BCO1: variants seen among roughly 807,000 people sequenced by gnomAD.
The protein encoded by BCO1 is beta,beta-carotene 15,15'-dioxygenase.
A neutral mutation model predicts 56.3 loss-of-function variants in BCO1; 54 were observed. The observed-to-expected ratio is 0.96, with a 90% CI of 0.77 to 1.20. The LOEUF is 1.20. BCO1 is among the 50% of genes most tolerant of loss of function. The pLI, the probability that BCO1 is intolerant of heterozygous loss-of-function variation, is 0.00. For synonymous variants in BCO1, 318 were observed against 266.1 expected (o/e 1.20, Z -1.90); for missense variants, 801 against 690.9 (o/e 1.16, Z -1.79).
rs909469538 is a variant in BCO1, at chr16:81,290,232, C to T, written c.1415-116C>T. The T allele has an allele frequency of 8.0e-6, 7 of 875,564 alleles. No homozygotes were observed. The Admixed American group carries it at 1.4e-4, about 17-fold the overall frequency. The allele number at this position is 875,564 out of a possible 1,614,324, so 54.2% of individuals were successfully genotyped here. On this transcript the variant is annotated intron_variant, in intron 10 of 10. Coordinates refer to ENST00000258168, the MANE Select transcript of BCO1 (RefSeq NM_017429.3). ...TGTTACAGTGTCTCAAATTCACTCC[C>T]TCCTGTTTTGGTTAGATACATATGT...
intron 1 of BCO1, among the ~76,000 whole-genome samples, chr16:81,240,065 CA>C (rs538318707): frequency 0.011 from 1,537 of 142,982 alleles, 20 homozygotes; most frequent in African/African-American, 0.037. Flanking sequence ...TCTTTTGAAA[CA>C]AAAAAAAAAT....
At chr16:81,259,611 C>T (rs752979774) in intron 2 of BCO1, 65 bp from the exon 3 acceptor site, 1 of 1,609,420 alleles carries the variant, frequency 6.2e-7, no homozygotes, top group Non-Finnish European at 8.5e-7. Context: ...CATACAAGGA[C>T]TGACATTGAT....
chr16:81,267,912 C>T lies in BCO1; in HGVS notation c.624C>T (p.Gly208=), dbSNP rs1339775157. 1 of 1,613,564 alleles carries T rather than the reference C, an allele frequency of 6.2e-7. No individual in the cohort carries two copies. Among genetic ancestry groups the T allele is most frequent in the Non-Finnish European group, 8.5e-7 (1 of 1,179,950 alleles). Residue 208 remains glycine (G), a synonymous_variant, in exon 6 of 11, where the codon GGC becomes GGT. Coordinates refer to ENST00000258168, the MANE Select transcript of BCO1 (RefSeq NM_017429.3). ...IFKIPATVPE[G]KKQGKSPWKH... ...GCTTGCTTTTTGTCTTGCTAGAGGGCAAGAAGCAGGGGAAGAGCCCCTGGA... is the reference window on the plus strand; with the variant it reads ...GCTTGCTTTTTGTCTTGCTAGAGGGTAAGAAGCAGGGGAAGAGCCCCTGGA...
At chr16:81,285,685 A>G (rs150476752) in intron 9 of BCO1, 51 bp downstream of exon 9, 2 of 1,335,428 alleles carry the variant, frequency 1.5e-6, no homozygotes, top group Non-Finnish European at 2.2e-6. Context: ...TTGTGTCTAT[A>G]TGCAAAGCTG....
At chr16:81,286,533 T>G (rs1319394505) in intron 9 of BCO1, among the ~76,000 whole-genome samples, 1 of 152,150 alleles carries the variant, frequency 6.6e-6, no homozygotes, top group Non-Finnish European at 1.5e-5. Context: ...CATATAAAAT[T>G]GCAGTGCAAT....
intron 7 of BCO1, among the ~76,000 whole-genome samples, chr16:81,270,938 G>T (rs575762248): frequency 9.9e-5 from 15 of 152,102 alleles, no homozygotes; most frequent in Admixed American, 5.9e-4. Flanking sequence ...TAGAGACGGG[G>T]TTTCACCGTG....
chr16:81,251,764 C>A (rs559025976), intron 2 of BCO1, among the ~76,000 whole-genome samples: 14 of 150,970 alleles, frequency 9.3e-5, no homozygotes, highest in African/African-American at 2.9e-4. Context: ...GTTAATTTTC[C>A]GATAAAATTA....
At chr16:81,269,632 T>C (rs1315261678) in intron 6 of BCO1, among the ~76,000 whole-genome samples, 1 of 152,182 alleles carries the variant, frequency 6.6e-6, no homozygotes, top group Admixed American at 6.5e-5. Context: ...CATGCCTGGC[T>C]AATTTTTTGT....
At chr16:81,256,135 C>T (rs536939739) in intron 2 of BCO1, among the ~76,000 whole-genome samples, 69 of 150,992 alleles carry the variant, frequency 4.6e-4, no homozygotes, top group Admixed American at 9.9e-4. Context: ...TTTTTTCCAG[C>T]GAATGCATTT....
intron 10 of BCO1, among the ~76,000 whole-genome samples, chr16:81,289,052 C>T (rs906365445): frequency 6.6e-6 from 1 of 152,180 alleles, no homozygotes; most frequent in African/African-American, 2.4e-5. Flanking sequence ...GTATCGTTGT[C>T]TTCATTTTAC....
intron 7 of BCO1, among the ~76,000 whole-genome samples, chr16:81,274,522 C>T (rs1207110702): frequency 3.3e-5 from 5 of 152,116 alleles, no homozygotes; most frequent in Non-Finnish European, 7.4e-5. Flanking sequence ...CCTCAGCCTT[C>T]CAAAGTGCTG....
chr16:81,275,776 G>A (rs1907517377), intron 7 of BCO1, among the ~76,000 whole-genome samples: 2 of 152,262 alleles, frequency 1.3e-5, no homozygotes, highest in Non-Finnish European at 2.9e-5. Flanking sequence ...AAAAGGCCAG[G>A]AGGTCCTGAA....
At chr16:81,259,949 C>A in intron 3 of BCO1, 144 bp downstream of exon 3, 1 of 1,039,334 alleles carries the variant, frequency 9.6e-7, no homozygotes. Flanking sequence ...AGGTGCTACA[C>A]AGTTCTTGAT....
At position 81,238,705 on chromosome 16, in the gene BCO1, C is replaced by G; in HGVS notation, c.-204C>G. On this transcript the variant is annotated 5_prime_UTR_variant, in exon 1 of 11. The change creates a new upstream start codon in the 5' untranslated region. Transcript: ENST00000258168. ...GCTTCCCTTGTGAATGTAAAGAGAT[C>G]CAGGGCTCTTGGAGAGGGACAAGTG... The G allele has an allele frequency of 1.6e-6, 1 of 624,188 alleles. No homozygotes were observed. The highest frequency in any genetic ancestry group is 2.9e-6 in the Non-Finnish European group (1 of 344,468). 38.7% of individuals were successfully genotyped at this position (624,188 alleles called of 1,614,324 possible).
intron 8 of BCO1, among the ~76,000 whole-genome samples, chr16:81,282,804 C>T (rs1373986999): frequency 6.6e-6 from 1 of 152,170 alleles, no homozygotes; most frequent in Non-Finnish European, 1.5e-5. Flanking sequence ...CCATCCAATC[C>T]TCCCATCATG....
Position 81,262,276 on chromosome 16 carries a change from T to C in BCO1, c.464T>C (p.Leu155Pro). Residue 155 changes from leucine to proline, a missense_variant, in exon 4 of 11, where the codon CTG becomes CCG. Leu to Pro is a moderately conservative substitution (Grantham distance 98). Transcript: ENST00000258168. Reference protein sequence around the residue: ...RKINPQTLETLEKVDYRKYVA... With the variant: ...RKINPQTLETPEKVDYRKYVA... ...ATCAACCCACAGACTCTGGAAACCC[T>C]GGAGAAGGTATCAACACATATGTAA... 5 of 1,612,968 alleles carry C rather than the reference T, an allele frequency of 3.1e-6. No homozygotes were observed. The highest frequency in any genetic ancestry group is 4.2e-6 in the Non-Finnish European group (5 of 1,179,314).
At position 81,271,124 on chromosome 16, in the gene BCO1, A is replaced by AT. The variant is rs376644682; in HGVS notation, c.1101+716dup. 1.3e-4 allele frequency among the ~76,000 whole-genome samples: 17 copies of AT among 134,250 alleles called. No individual in the cohort carries two copies. The East Asian group carries it at 2.7e-3, about 21-fold the overall frequency. The allele number at this position is 134,250 out of a possible 152,430, so 88.1% of individuals were successfully genotyped here. On this transcript the variant is annotated intron_variant, in intron 7 of 10. Transcript: ENST00000258168. ...TGCCCTTTTATTTATTTTTTTTTTT[A>AT]TTTTTTTTGAGACAGAGTCTTGCTC...
At chr16:81,258,717 A>G (rs550144467) in intron 2 of BCO1, among the ~76,000 whole-genome samples, 1 of 152,354 alleles carries the variant, frequency 6.6e-6, no homozygotes, top group East Asian at 1.9e-4. Flanking sequence ...AAGAACAGAC[A>G]TATTTTGCAT....
intron 2 of BCO1, among the ~76,000 whole-genome samples, chr16:81,254,908 C>T (rs1906034100): frequency 1.3e-5 from 2 of 152,016 alleles, no homozygotes; most frequent in South Asian, 2.1e-4. Flanking sequence ...GTGATCCTCC[C>T]GCCTCAGCCT....
Sources: allele counts gnomAD v4.1 joint callset (sites outside exome capture counted in the v4.1 genomes callset), GRCh38; gene constraint gnomAD v4.1.1; transcripts MANE v1.5; gene names NCBI Gene and HGNC (gene_info 2026-07-23, HGNC 2026-07-21).